The following LIFR variants were observed in gnomAD, a reference collection of about 807,000 sequenced individuals.
The protein encoded by LIFR is LIF receptor subunit alpha.
Under a neutral mutation model 122.2 loss-of-function variants are expected in LIFR, and 84 were observed. That is an observed-to-expected ratio of 0.69 (90% CI 0.58 to 0.82). LIFR has a LOEUF of 0.82. Among genes scored for constraint, LIFR ranks in the 40% least tolerant of loss-of-function variants. The pLI, the probability that LIFR is intolerant of heterozygous loss-of-function variation, is 0.00. For missense variants in LIFR, 1,294 were observed against 1,311.6 expected (o/e 0.99, Z 0.21); for synonymous variants, 422 against 434.7 (o/e 0.97, Z 0.36).
upstream of LIFR, among the ~76,000 whole-genome samples, chr5:38,597,764 G>A (rs545015520): frequency 5.3e-5 from 8 of 152,310 alleles, no homozygotes; most frequent in South Asian, 4.1e-4. Context: ...AGCTGGAGAC[G>A]GAGCGTGGCA....
At chr5:38,487,274 C>G (rs1744337209) in intron 16 of LIFR, among the ~76,000 whole-genome samples, 1 of 152,178 alleles carries the variant, frequency 6.6e-6, no homozygotes. Flanking sequence ...ATGTTTGCAG[C>G]CTCGCATGTA....
intron 16 of LIFR, among the ~76,000 whole-genome samples, chr5:38,488,877 T>G (rs568875865): frequency 2.6e-5 from 4 of 152,354 alleles, no homozygotes; most frequent in African/African-American, 9.6e-5. Flanking sequence ...AAATGATTTC[T>G]GAAAGACTAT....
chr5:38,510,724 A>C lies in LIFR; in HGVS notation c.737-6T>G. 1 of 1,605,696 alleles carries C rather than the reference A, an allele frequency of 6.2e-7. No individual in the cohort carries two copies. The highest frequency in any genetic ancestry group is 8.5e-7 in the Non-Finnish European group (1 of 1,173,184). On this transcript the variant is annotated splice_polypyrimidine_tract_variant and splice_region_variant and intron_variant, in intron 6 of 19. Coordinates refer to ENST00000453190, the MANE Select transcript of LIFR (RefSeq NM_001127671.2). ...AGTCTGAGAATCAGGTATCCCTAGA[A>C]AGAAAAAGAGGAATTATAAACATTT...
At chr5:38,606,806 A>G (rs1234227932) in intron 1 of LIFR, among the ~76,000 whole-genome samples, 1 of 152,058 alleles carries the variant, frequency 6.6e-6, no homozygotes, top group African/African-American at 2.4e-5. Flanking sequence ...TTTTTCCCCC[A>G]TGGGGAAAGT....
intron 1 of LIFR, among the ~76,000 whole-genome samples, chr5:38,578,136 C>T (rs1224481468): frequency 3.3e-5 from 5 of 151,966 alleles, no homozygotes; most frequent in African/African-American, 1.2e-4. Context: ...CCCATTAAAT[C>T]AGAATCTCTG....
In LIFR at chr5:38,478,685, C is replaced by T. The variant is rs368109984; in HGVS notation, c.*2910G>A. 2.1e-4 allele frequency: 42 copies of T among 203,606 alleles called. No homozygotes were observed. In the East Asian group the frequency reaches 2.3e-3, roughly 11 times the overall value. The allele number at this position is 203,606 out of a possible 1,614,324, so 12.6% of individuals were successfully genotyped here. A position where few individuals can be genotyped will look rare whatever the true frequency, so the allele number is the denominator to read the frequency against. On this transcript the variant is annotated 3_prime_UTR_variant, in exon 20 of 20. Coordinates refer to ENST00000453190, the MANE Select transcript of LIFR (RefSeq NM_001127671.2). ...AAGCCCCATAATGATCTCCATTCCT[C>T]GCAAGGGAAGCTTGATTTGAAACTG...
intron 1 of LIFR, among the ~76,000 whole-genome samples, chr5:38,546,663 T>C (rs995481262): frequency 1.3e-5 from 2 of 152,176 alleles, no homozygotes; most frequent in African/African-American, 4.8e-5. Flanking sequence ...ATTGTCAATG[T>C]TGTCTATCTT....
At position 38,584,493 on chromosome 5, in the gene LIFR, C is replaced by T. The variant is rs143302425; in HGVS notation, c.-20+10768G>A. On this transcript the variant is annotated intron_variant, in intron 1 of 19. Transcript: ENST00000263409. ...AGAAAATGTGGTATATATGCATATA[C>T]ACACATACACAAACACACACACTGG... Among the ~76,000 whole-genome samples the T allele has an allele frequency of 4.1e-3, 618 of 151,940 alleles. 8 individuals are homozygous for T. Among genetic ancestry groups the T allele is most frequent in the African/African-American group, 0.014 (575 of 41,446 alleles).
chr5:38,552,256 C>G (rs1246838094), intron 1 of LIFR, among the ~76,000 whole-genome samples: 1 of 152,188 alleles, frequency 6.6e-6, no homozygotes, highest in Non-Finnish European at 1.5e-5. Context: ...TAATATGGAA[C>G]AGGAGTCCAA....
intron 9 of LIFR, among the ~76,000 whole-genome samples, chr5:38,505,704 T>C (rs1745436595): frequency 6.6e-6 from 1 of 152,190 alleles, no homozygotes; most frequent in Admixed American, 6.5e-5. Context: ...AGTAAATTAC[T>C]AATTCAAGTA....
rs146070668 is a variant in LIFR at position 38,548,570 on chromosome 5, C to A, written c.-20+7764G>T. ...CCAGGACACTGCTGCAAATCTGATG[C>A]CTACCTAGTGCCTGTTAAAGAAAAG... On this transcript the variant is annotated intron_variant, in intron 1 of 19. Transcript: ENST00000453190. Among the ~76,000 whole-genome samples, 510 of 152,206 alleles carry A rather than the reference C, an allele frequency of 3.4e-3. 1 individual carries two copies. Among genetic ancestry groups the A allele is most frequent in the Non-Finnish European group, 5.2e-3 (351 of 68,022 alleles).
At chr5:38,537,226 G>C (rs556579829) in intron 1 of LIFR, among the ~76,000 whole-genome samples, 3 of 152,196 alleles carry the variant, frequency 2.0e-5, no homozygotes, top group Non-Finnish European at 2.9e-5. Flanking sequence ...ACAGCCCTTC[G>C]AGACGGCCAT....
rs1288398584 is a variant in LIFR at position 38,476,373 on chromosome 5, A to G, written c.*5222T>C. ...GGAATGTTTAGGAAAATAGTTCGGA[A>G]GCTGAAAGTTACCCATTTAAAATGG... On this transcript the variant is annotated 3_prime_UTR_variant, in exon 20 of 20. Transcript: ENST00000453190. 2 of 208,610 alleles carry G rather than the reference A, an allele frequency of 9.6e-6. No individual in the cohort carries two copies. The highest frequency in any genetic ancestry group is 2.3e-5 in the African/African-American group (1 of 43,932). The allele number at this position is 208,610 out of a possible 1,614,324, so 12.9% of individuals were successfully genotyped here. A position where few individuals can be genotyped will look rare whatever the true frequency, so the allele number is the denominator to read the frequency against.
intron 1 of LIFR, among the ~76,000 whole-genome samples, chr5:38,554,363 AAAG>A (rs1748402648): frequency 6.6e-6 from 1 of 152,246 alleles, no homozygotes; most frequent in African/African-American, 2.4e-5. Flanking sequence ...AAGGTGATAT[AAAG>A]AAACAAATGA....
chr5:38,552,668 G>C (rs1748267068), intron 1 of LIFR, among the ~76,000 whole-genome samples: 1 of 152,142 alleles, frequency 6.6e-6, no homozygotes, highest in Non-Finnish European at 1.5e-5. Flanking sequence ...TTTTACACTT[G>C]AATTTCATGG....
At chr5:38,520,771 T>A (rs1746357621) in intron 5 of LIFR, among the ~76,000 whole-genome samples, 1 of 152,230 alleles carries the variant, frequency 6.6e-6, no homozygotes, top group African/African-American at 2.4e-5. Flanking sequence ...CTGGATTCTC[T>A]ACTCTGTTCC....
intron 1 of LIFR, among the ~76,000 whole-genome samples, chr5:38,578,971 T>G (rs866249143): frequency 6.6e-6 from 1 of 152,178 alleles, no homozygotes; most frequent in Non-Finnish European, 1.5e-5. Flanking sequence ...AGACAATCAA[T>G]ACAGAATGAG....
At chr5:38,490,083 CCT>C in intron 15 of LIFR, 105 bp downstream of exon 15, 1 of 457,836 alleles carries the variant, frequency 2.2e-6, no homozygotes, top group Non-Finnish European at 4.0e-6. Context: ...ATTTTACCTT[CCT>C]TCAATTATAC....
At chr5:38,526,738 C>T (rs1177931023) in intron 4 of LIFR, among the ~76,000 whole-genome samples, 2 of 151,992 alleles carry the variant, frequency 1.3e-5, no homozygotes, top group Admixed American at 6.6e-5. Flanking sequence ...ATAATGCTAC[C>T]AATACATTAC....
Sources: allele counts gnomAD v4.1 joint callset (sites outside exome capture counted in the v4.1 genomes callset), GRCh38; gene constraint gnomAD v4.1.1; transcripts MANE v1.5; gene names NCBI Gene and HGNC (gene_info 2026-07-23, HGNC 2026-07-21).